The following PAPPA2 variants were observed in gnomAD, a reference collection of about 807,000 sequenced individuals.
The protein encoded by PAPPA2 is pappalysin 2, also known as pappalysin-2.
PAPPA2 carries 86 observed loss-of-function variants against 176.4 expected under a neutral mutation model. The observed-to-expected ratio is 0.49, with a 90% CI of 0.41 to 0.58. The LOEUF (loss-of-function observed/expected upper bound fraction) is 0.58, where lower values mean the gene tolerates loss of function less well. Among genes scored for constraint, PAPPA2 ranks in the 20% least tolerant of loss-of-function variants. PAPPA2 has a pLI of 0.00. For synonymous variants in PAPPA2, 809 were observed against 852.2 expected (o/e 0.95, Z 0.88); for missense variants, 2,073 against 2,256.9 (o/e 0.92, Z 1.65).
chr1:176,585,522 C>A (rs1357452517), intron 2 of PAPPA2, among the ~76,000 whole-genome samples: 1 of 152,050 alleles, frequency 6.6e-6, no homozygotes, highest in East Asian at 1.9e-4. Context: ...AATGTCCACC[C>A]CTTTTCTAAG....
chr1:176,600,600 C>A (rs555378747), intron 3 of PAPPA2, among the ~76,000 whole-genome samples: 1 of 143,480 alleles, frequency 7.0e-6, no homozygotes, highest in Non-Finnish European at 1.5e-5. Flanking sequence ...GGCGTGAACC[C>A]GGGAGGCGGA....
At chr1:176,791,320 T>A in intron 18 of PAPPA2, 27 bp from the exon 19 acceptor site, 1 of 1,594,348 alleles carries the variant, frequency 6.3e-7, no homozygotes, top group Non-Finnish European at 8.6e-7. Context: ...AAAACAATAA[T>A]TAAGATGTTT....
chr1:176,661,535 C>T (rs1658361564), intron 3 of PAPPA2, among the ~76,000 whole-genome samples: 1 of 149,888 alleles, frequency 6.7e-6, no homozygotes, highest in African/African-American at 2.5e-5. Flanking sequence ...TCATGCTGTG[C>T]CTACTAGATC....
chr1:176,578,678 A>G (rs576472100), intron 2 of PAPPA2, among the ~76,000 whole-genome samples: 2 of 152,346 alleles, frequency 1.3e-5, no homozygotes, highest in East Asian at 3.9e-4. Flanking sequence ...AGACAGGATG[A>G]AACTTAAGGT....
rs1296483075 is a variant in PAPPA2, at chr1:176,506,809, T to C, written c.-917+43391T>C. Among the ~76,000 whole-genome samples, 3 of 152,100 alleles carry C rather than the reference T, an allele frequency of 2.0e-5. No homozygotes were observed. In the East Asian group the frequency reaches 5.8e-4, roughly 29 times the overall value. On this transcript the variant is annotated intron_variant, in intron 1 of 22. Transcript: ENST00000367662. ...GTATCATCAGTGAAGAAAGATAGTT[T>C]GGCTTTGTAAGACCTCAAACTATAA...
intron 4 of PAPPA2, among the ~76,000 whole-genome samples, chr1:176,685,620 C>G (rs1659801969): frequency 6.6e-6 from 1 of 152,190 alleles, no homozygotes; most frequent in Admixed American, 6.5e-5. Flanking sequence ...GATGTTGTCC[C>G]TGAGAAAGAT....
chr1:176,677,851 A>G lies in PAPPA2; in HGVS notation c.2137+6736A>G, dbSNP rs59633481. 1.7e-4 allele frequency among the ~76,000 whole-genome samples: 26 copies of G among 152,292 alleles called. No homozygotes were observed. The East Asian group carries it at 5.0e-3, about 29-fold the overall frequency. On this transcript the variant is annotated intron_variant, in intron 4 of 22. Coordinates refer to ENST00000367662, the MANE Select transcript of PAPPA2 (RefSeq NM_020318.3). ...AAAAACTTGACTGTGTTTTGTGGCA[A>G]TGCCATAGATAGAATAATGAAAACA...
chr1:176,539,278 G>C (rs183346256), intron 1 of PAPPA2, among the ~76,000 whole-genome samples: 22 of 152,162 alleles, frequency 1.4e-4, no homozygotes, highest in African/African-American at 5.1e-4. Flanking sequence ...TGAATAAATT[G>C]TATGGGGTCC....
intron 9 of PAPPA2, among the ~76,000 whole-genome samples, chr1:176,705,658 C>T (rs1002969212): frequency 6.6e-6 from 1 of 152,190 alleles, no homozygotes; most frequent in Non-Finnish European, 1.5e-5. Context: ...CTAACTCCCC[C>T]ACCTCAATTC....
At chr1:176,734,534 T>TA (rs1376800445) in intron 12 of PAPPA2, among the ~76,000 whole-genome samples, 7 of 151,984 alleles carry the variant, frequency 4.6e-5, no homozygotes, top group Non-Finnish European at 5.9e-5. Flanking sequence ...CAGAAGAAAG[T>TA]AAAAACAGGC....
rs547914761 is a variant in PAPPA2, at chr1:176,507,186, A to G, written c.-917+43768A>G. ...CAAGTGGTCAACAAATACATAAAAAATGCTTCATGTCACTAATCATTAGAG... is the reference window on the plus strand; with the variant it reads ...CAAGTGGTCAACAAATACATAAAAAGTGCTTCATGTCACTAATCATTAGAG... On this transcript the variant is annotated intron_variant, in intron 1 of 22. Coordinates refer to ENST00000367662, the MANE Select transcript of PAPPA2 (RefSeq NM_020318.3). 2.0e-5 allele frequency among the ~76,000 whole-genome samples: 3 copies of G among 152,288 alleles called. No homozygotes were observed. The South Asian group carries it at 6.2e-4, about 32-fold the overall frequency.
chr1:176,641,814 A>G lies in PAPPA2; in HGVS notation c.1992-29156A>G, dbSNP rs193266161. ...ACTTAATATAGTCTGAACCAGCCTC[A>G]TCATCAACTTGGTCTTAATGACTCT... On this transcript the variant is annotated intron_variant, in intron 3 of 22. Transcript: ENST00000367662. Among the ~76,000 whole-genome samples, 13 of 152,100 alleles carry G rather than the reference A, an allele frequency of 8.5e-5. No individual in the cohort carries two copies. The East Asian group carries it at 2.3e-3, about 27-fold the overall frequency.
At chr1:176,506,463 A>G (rs964472823) in intron 1 of PAPPA2, among the ~76,000 whole-genome samples, 1 of 151,752 alleles carries the variant, frequency 6.6e-6, no homozygotes, top group African/African-American at 2.4e-5. Context: ...TTTTAATGAT[A>G]TTGTTTCTTC....
chr1:176,626,498 G>C (rs1354617844), intron 3 of PAPPA2, among the ~76,000 whole-genome samples: 1 of 152,110 alleles, frequency 6.6e-6, no homozygotes, highest in African/African-American at 2.4e-5. Context: ...GAGCTATAGT[G>C]TACAGCCATG....
intron 1 of PAPPA2, among the ~76,000 whole-genome samples, chr1:176,520,411 C>T (rs77723097): frequency 6.6e-6 from 1 of 152,158 alleles, no homozygotes; most frequent in African/African-American, 2.4e-5. Flanking sequence ...CAGGTTCTGA[C>T]AGTTAAGCCA....
At chr1:176,722,240 C>T (rs1661656070) in intron 12 of PAPPA2, among the ~76,000 whole-genome samples, 1 of 151,820 alleles carries the variant, frequency 6.6e-6, no homozygotes, top group Non-Finnish European at 1.5e-5. Context: ...TTGGGCATTT[C>T]TACTATTATA....
At chr1:176,665,515 C>T (rs1338766481) in intron 3 of PAPPA2, among the ~76,000 whole-genome samples, 1 of 152,080 alleles carries the variant, frequency 6.6e-6, no homozygotes, top group East Asian at 1.9e-4. Context: ...AGAAAGCGGC[C>T]CTTATCCTCA....
chr1:176,543,121 T>C (rs1330102705), intron 1 of PAPPA2, among the ~76,000 whole-genome samples: 3 of 152,124 alleles, frequency 2.0e-5, no homozygotes, highest in Non-Finnish European at 2.9e-5. Flanking sequence ...GAAAATGAAT[T>C]CTAAACATCA....
chr1:176,516,022 G>A (rs1648889304), intron 1 of PAPPA2, among the ~76,000 whole-genome samples: 2 of 152,144 alleles, frequency 1.3e-5, no homozygotes, highest in Admixed American at 1.3e-4. Flanking sequence ...AAGTCAACTA[G>A]CCTAAATGTG....
Sources: allele counts gnomAD v4.1 joint callset (sites outside exome capture counted in the v4.1 genomes callset), GRCh38; gene constraint gnomAD v4.1.1; transcripts MANE v1.5; gene names NCBI Gene and HGNC (gene_info 2026-07-23, HGNC 2026-07-21).